SOX6: variants seen among roughly 807,000 people sequenced by gnomAD.
SOX6 encodes the protein transcription factor SOX-6.
A neutral mutation model predicts 97.8 loss-of-function variants in SOX6; 11 were observed. The observed-to-expected ratio is 0.11, with a 90% CI of 0.07 to 0.19. SOX6 has a LOEUF of 0.19. Ranked by LOEUF, SOX6 falls within the 10% of genes least tolerant of loss-of-function variation. The pLI is 1.00. For missense variants in SOX6, 810 were observed against 1,039.5 expected, an observed-to-expected ratio of 0.78 and a Z score of 3.04; for synonymous variants, 360 against 371.4, an observed-to-expected ratio of 0.97 and a Z score of 0.35.
At chr11:16,501,793 A>G (rs188090141) in intron 4 of SOX6, among the ~76,000 whole-genome samples, 2 of 152,344 alleles carry the variant, frequency 1.3e-5, no homozygotes, top group Admixed American at 1.3e-4. Flanking sequence ...AATGGCAATC[A>G]TTGAAAAGTC....
At chr11:16,566,953 C>G (rs992039425) in intron 4 of SOX6, among the ~76,000 whole-genome samples, 2 of 152,150 alleles carry the variant, frequency 1.3e-5, no homozygotes, top group East Asian at 1.9e-4. Context: ...AATGGATAAC[C>G]AAACTGTGGT....
At chr11:16,362,660 G>A (rs973037858) in intron 1 of SOX6, among the ~76,000 whole-genome samples, 1 of 152,088 alleles carries the variant, frequency 6.6e-6, no homozygotes, top group Non-Finnish European at 1.5e-5. Context: ...TCTGGAAAAT[G>A]GAAGAAACAT....
intron 1 of SOX6, among the ~76,000 whole-genome samples, chr11:16,367,903 C>A (rs1467938628): frequency 1.3e-5 from 2 of 152,168 alleles, no homozygotes; most frequent in South Asian, 4.2e-4. Flanking sequence ...CTTCACTTAT[C>A]ATCAGTGGGT....
chr11:16,734,691 G>A (rs913055769), intron 2 of SOX6, among the ~76,000 whole-genome samples: 1 of 152,100 alleles, frequency 6.6e-6, no homozygotes, highest in African/African-American at 2.4e-5. Context: ...TAAAATCAAA[G>A]TCATCCTACC....
chr11:16,737,517 T>TAA lies in SOX6; in HGVS notation n.219+906_219+907dup, dbSNP rs60393896. ...CATGGCGCCAGGCCTAATTTTTGCT[T>TAA]AAAAAAAAAAAAAATCACATTTGTA... On this transcript the variant is annotated intron_variant and non_coding_transcript_variant, in intron 1 of 5. Coordinates refer to the SOX6 transcript ENST00000524520. 7.2e-4 allele frequency among the ~76,000 whole-genome samples: 105 copies of TAA among 146,840 alleles called. 1 individual carries two copies. Among genetic ancestry groups the TAA allele is most frequent in the South Asian group, 2.2e-3 (10 of 4,630 alleles).
intron 1 of SOX6, among the ~76,000 whole-genome samples, chr11:16,391,284 C>T (rs1382450321): frequency 1.3e-5 from 2 of 152,010 alleles, no homozygotes; most frequent in Non-Finnish European, 2.9e-5. Context: ...ACGTGTATAC[C>T]TATGTAACAA....
At chr11:16,002,065 A>G (rs559390662) in intron 13 of SOX6, among the ~76,000 whole-genome samples, 1 of 152,236 alleles carries the variant, frequency 6.6e-6, no homozygotes, top group South Asian at 2.1e-4. Context: ...GTCACAAACT[A>G]TGTTTAGATT....
intron 6 of SOX6, among the ~76,000 whole-genome samples, chr11:16,142,692 T>A (rs1260373860): frequency 6.6e-6 from 1 of 152,110 alleles, no homozygotes; most frequent in Non-Finnish European, 1.5e-5. Flanking sequence ...GCATGAGAAC[T>A]ACGTGACGAA....
At chr11:16,628,786 T>C (rs1388043475) in intron 3 of SOX6, among the ~76,000 whole-genome samples, 2 of 152,212 alleles carry the variant, frequency 1.3e-5, no homozygotes, top group East Asian at 1.9e-4. Context: ...GTGTCATCTA[T>C]GATTTCTTTT....
chr11:16,497,267 G>A (rs183642204), intron 4 of SOX6, among the ~76,000 whole-genome samples: 49 of 152,252 alleles, frequency 3.2e-4, no homozygotes, highest in African/African-American at 1.2e-3. Context: ...CTAACTGTTA[G>A]AAGGAAAACT....
rs558062290 is a variant in SOX6 at position 16,426,685 on chromosome 11, C to T, written c.-5+49630G>A. Among the ~76,000 whole-genome samples, 1,041 of 151,828 alleles carry T rather than the reference C, an allele frequency of 6.9e-3. 10 individuals are homozygous for T. The highest frequency in any genetic ancestry group is 0.024 in the African/African-American group (986 of 41,394). On this transcript the variant is annotated intron_variant, in intron 1 of 15. Coordinates refer to the SOX6 transcript ENST00000396356. ...ATCCCAGCATTTTGGGAGGCCGAGG[C>T]GGGCGGATCACGAGGTCAGGAGATC...
intron 6 of SOX6, among the ~76,000 whole-genome samples, chr11:16,161,291 C>T (rs1850743115): frequency 6.6e-6 from 1 of 151,140 alleles, no homozygotes; most frequent in Non-Finnish European, 1.5e-5. Flanking sequence ...AGGACTGTAA[C>T]ACTTAAGATT....
At chr11:16,620,374 A>C (rs1848528375) in intron 3 of SOX6, among the ~76,000 whole-genome samples, 1 of 152,206 alleles carries the variant, frequency 6.6e-6, no homozygotes, top group African/African-American at 2.4e-5. Context: ...TCATATGAGT[A>C]TATGTTATCT....
At chr11:16,729,868 G>C (rs1219339027) in intron 2 of SOX6, among the ~76,000 whole-genome samples, 1 of 152,032 alleles carries the variant, frequency 6.6e-6, no homozygotes, top group South Asian at 2.1e-4. Flanking sequence ...TAAAGGGATA[G>C]AGGAATATTT....
chr11:16,149,936 T>G (rs1850417622), intron 6 of SOX6, among the ~76,000 whole-genome samples: 1 of 152,202 alleles, frequency 6.6e-6, no homozygotes, highest in Non-Finnish European at 1.5e-5. Context: ...TTGTTTTGAC[T>G]ACACCACTCC....
rs528545716 is a variant in SOX6 at position 16,557,394 on chromosome 11, C to A, written n.609+54687G>T. On this transcript the variant is annotated intron_variant and non_coding_transcript_variant, in intron 4 of 5. Transcript: ENST00000524520. The stretch of plus-strand genomic sequence containing the variant: ...AAAATGTACTCCACATTAAATGGAT[C>A]CAGTAAACTCATTCCCACATTCAAC... 2.6e-5 allele frequency among the ~76,000 whole-genome samples: 4 copies of A among 151,954 alleles called. No individual in the cohort carries two copies. In the South Asian group the frequency reaches 8.3e-4, roughly 31 times the overall value.
intron 1 of SOX6, chr11:16,408,637 A>AC (rs1334949713): frequency 6.6e-6 from 1 of 152,040 alleles, no homozygotes; most frequent in Non-Finnish European, 1.5e-5. Flanking sequence ...GTTTTAAACT[A>AC]TTTTTTACAG....
chr11:16,162,672 C>T (rs1850782501), intron 6 of SOX6, among the ~76,000 whole-genome samples: 1 of 152,286 alleles, frequency 6.6e-6, no homozygotes, highest in South Asian at 2.1e-4. Flanking sequence ...TTCTGTACAG[C>T]CTGCAGAACC....
At chr11:16,358,152 G>A (rs1857119600), upstream of SOX6, among the ~76,000 whole-genome samples, 1 of 152,136 alleles carries the variant, frequency 6.6e-6, no homozygotes, top group Non-Finnish European at 1.5e-5. Flanking sequence ...AAGGGCCAGA[G>A]CCATAGTGAA....
Sources: gnomAD v4.1 joint callset for allele counts (sites outside exome capture counted in the v4.1 genomes callset) on GRCh38, gnomAD v4.1.1 for gene constraint, MANE v1.5 for transcripts, NCBI Gene and HGNC (gene_info 2026-07-23, HGNC 2026-07-21) for gene names.